Variants in ZFP90 observed in about 807,000 individuals in gnomAD.
ZFP90 encodes the protein zinc finger protein 90 homolog.
ZFP90 carries 38 observed loss-of-function variants against 60.8 expected under a neutral mutation model. The observed-to-expected ratio is 0.62, with a 90% CI of 0.48 to 0.82. The LOEUF is 0.82. Among genes scored for constraint, ZFP90 ranks in the 40% least tolerant of loss-of-function variants. The probability of loss-of-function intolerance (pLI) is 0.00; values close to 1 mark genes in which losing one functional copy is unlikely to be tolerated. For synonymous variants in ZFP90, 287 were observed against 264.8 expected, an observed-to-expected ratio of 1.08 and a Z score of -0.82; for missense variants, 711 against 759.1, an observed-to-expected ratio of 0.94 and a Z score of 0.74.
rs1422265298 is a variant in ZFP90 at position 68,572,578 on chromosome 16, T to C, written c.224-3213T>C. Among the ~76,000 whole-genome samples, 3 of 152,092 alleles carry C rather than the reference T, an allele frequency of 2.0e-5. No individual in the cohort carries two copies. In the East Asian group the frequency reaches 5.8e-4, roughly 29 times the overall value. On this transcript the variant is annotated intron_variant, in intron 2 of 2. Coordinates refer to the ZFP90 transcript ENST00000573113. ...TTGGCCCCTATAGATATAAAAACCA[T>C]GTAAGGAGGTTCTGATCCAGAGGAG...
At chr16:68,553,947 C>G (rs888417133) in intron 2 of ZFP90, among the ~76,000 whole-genome samples, 2 of 152,050 alleles carry the variant, frequency 1.3e-5, no homozygotes, top group African/African-American at 4.8e-5. Flanking sequence ...TTAACAAGAT[C>G]TCTCTGGTTG....
intron 2 of ZFP90, chr16:68,557,219 C>T (rs1168419899): frequency 4.4e-6 from 2 of 455,672 alleles, no homozygotes; most frequent in Non-Finnish European, 8.8e-6. Flanking sequence ...AACTCTTGGG[C>T]TCCTGTAACA....
intron 2 of ZFP90, among the ~76,000 whole-genome samples, chr16:68,554,186 G>GTC: frequency 6.6e-6 from 1 of 150,936 alleles, no homozygotes; most frequent in Non-Finnish European, 1.5e-5. Context: ...CAGTGGTGGT[G>GTC]TCTCGGCTCA....
chr16:68,557,660 T>C (rs1287123844), intron 2 of ZFP90, among the ~76,000 whole-genome samples: 2 of 151,496 alleles, frequency 1.3e-5, no homozygotes, highest in Non-Finnish European at 2.9e-5. Flanking sequence ...GTCATCACTT[T>C]TTACTACCCA....
At chr16:68,548,827 C>T (rs1307292566) in intron 2 of ZFP90, among the ~76,000 whole-genome samples, 1 of 152,154 alleles carries the variant, frequency 6.6e-6, no homozygotes, top group East Asian at 1.9e-4. Flanking sequence ...TTAAAAATTT[C>T]TTCTTACTCG....
exon 2 of ZFP90, chr16:68,533,739 G>C (rs1728780): frequency 0.77 from 116,536 of 152,060 alleles, 44,745 homozygotes; most frequent in East Asian, 0.82. Context: ...ATGGTGCAAT[G>C]TCAGCTTACT....
At chr16:68,543,068 T>C (rs770771075) in intron 2 of ZFP90, among the ~76,000 whole-genome samples, 4 of 152,088 alleles carry the variant, frequency 2.6e-5, no homozygotes, top group Non-Finnish European at 5.9e-5. Flanking sequence ...CAATTTAAAA[T>C]GATGTGGTCA....
upstream of ZFP90, chr16:68,535,756 C>T (rs1463146968): frequency 6.6e-6 from 1 of 152,086 alleles, no homozygotes; most frequent in Admixed American, 6.6e-5. Flanking sequence ...CTACTACTCT[C>T]TAAGTTTATT....
chr16:68,539,869 T>G, intron 2 of ZFP90, 44 bp downstream of exon 2: 1 of 1,595,216 alleles, frequency 6.3e-7, no homozygotes, highest in Non-Finnish European at 8.5e-7. Context: ...CATCCATCTA[T>G]CCATCCCATC....
chr16:68,573,493 C>CTA (rs1387993996), intron 2 of ZFP90, among the ~76,000 whole-genome samples: 3 of 152,336 alleles, frequency 2.0e-5, no homozygotes, highest in South Asian at 2.1e-4. Flanking sequence ...CAAAACAAAA[C>CTA]TCTATATATA....
At chr16:68,541,456 A>C (rs947781699) in intron 2 of ZFP90, among the ~76,000 whole-genome samples, 2 of 151,190 alleles carry the variant, frequency 1.3e-5, no homozygotes, top group African/African-American at 4.9e-5. Flanking sequence ...GTGAGCCACC[A>C]CAGCTGGGCA....
chr16:68,575,920 C>T (rs1035144227), exon 3 of ZFP90: 2 of 397,978 alleles, frequency 5.0e-6, no homozygotes, highest in Non-Finnish European at 8.9e-6. Context: ...AAGTTCTCTG[C>T]CCCGTACAAG....
chr16:68,556,185 A>C (rs574799273), intron 2 of ZFP90, among the ~76,000 whole-genome samples: 4 of 152,184 alleles, frequency 2.6e-5, no homozygotes, highest in Non-Finnish European at 5.9e-5. Context: ...AAAAAGCCTA[A>C]CCAAAAGTAC....
Position 68,558,554 on chromosome 16 carries a change from G to A in ZFP90, c.242G>A (p.Arg81Gln), listed in dbSNP as rs773705923. 9 of 1,613,632 alleles carry A rather than the reference G, an allele frequency of 5.6e-6. No individual in the cohort carries two copies. Among genetic ancestry groups the A allele is most frequent in the East Asian group, 2.2e-5 (1 of 44,882 alleles). Residue 81 changes from arginine (R) to glutamine (Q), a missense_variant, in exon 4 of 5, where the codon CGA becomes CAA. By Grantham distance (43) the Arg-to-Gln change is conservative. Coordinates refer to ENST00000563169, the MANE Select transcript of ZFP90 (RefSeq NM_001305203.2). ...EPWISEGEIQRPFYPDWKTRP... is the reference protein window; with the variant it reads ...EPWISEGEIQQPFYPDWKTRP... ...TGGATATCAGAGGGAGAAATCCAACGACCTTTCTATCCAGGTAAATGAGTG... is the reference window on the plus strand; with the variant it reads ...TGGATATCAGAGGGAGAAATCCAACAACCTTTCTATCCAGGTAAATGAGTG...
In ZFP90 at chr16:68,564,147, G is replaced by T. The variant is rs771128635; in HGVS notation, c.1360G>T (p.Asp454Tyr). ...LTEVKSYHCN[D>Y]CGEDFSHITD... ...CGAAGTGAAATCCTACCATTGTAAT[G>T]ACTGTGGGGAAGACTTTAGTCACAT... is the stretch of plus-strand genomic sequence containing the variant. The change falls in exon 5 of 5, where the codon GAC becomes TAC. Residue 454 changes from aspartate to tyrosine, a missense_variant. Asp to Tyr is a radical substitution (Grantham distance 160, BLOSUM62 -3). Coordinates refer to ENST00000563169, the MANE Select transcript of ZFP90 (RefSeq NM_001305203.2). 2.4e-5 allele frequency: 39 copies of T among 1,614,054 alleles called. No individual in the cohort carries two copies. In the South Asian group the frequency reaches 4.1e-4, roughly 17 times the overall value.
chr16:68,534,229 C>CCTT (rs758893394), intron 2 of ZFP90, among the ~76,000 whole-genome samples: 4 of 135,148 alleles, frequency 3.0e-5, no homozygotes, highest in Non-Finnish European at 6.2e-5. Flanking sequence ...GATTTTCTTT[C>CCTT]TTTCTTTTTT....
Position 68,564,550 on chromosome 16 carries a change from G to A in ZFP90, c.1763G>A (p.Arg588Lys). Residue 588 changes from arginine (R) to lysine (K), a missense_variant, in exon 5 of 5, where the codon AGA becomes AAA. Physicochemically the swap from Arg to Lys is conservative, Grantham distance 26 (BLOSUM62 2). Around this residue, in one of 5 missense-constraint regions of ZFP90, gnomAD observed 295 missense variants for 274.0 expected, o/e 1.08. Coordinates refer to ENST00000563169, the MANE Select transcript of ZFP90 (RefSeq NM_001305203.2). ...CCCTATGAATGTAATGAATGTGGGA[G>A]AGCCTTCCGAAAAAAAACCAACCTG... ...EKPYECNECGRAFRKKTNLHD... is the reference protein window; with the variant it reads ...EKPYECNECGKAFRKKTNLHD... 2.5e-6 allele frequency: 4 copies of A among 1,613,902 alleles called. No homozygotes were observed. Among genetic ancestry groups the A allele is most frequent in the Non-Finnish European group, 3.4e-6 (4 of 1,179,928 alleles).
In ZFP90 at chr16:68,565,273, TG is replaced by T; in HGVS notation, c.*576del. The T allele has an allele frequency of 1.0e-6, 1 of 985,488 alleles. No individual in the cohort carries two copies. The highest frequency in any genetic ancestry group is 1.7e-5 in the African/African-American group (1 of 57,358). 61.0% of individuals were successfully genotyped at this position (985,488 alleles called of 1,614,324 possible). ...TATAAGGGTAAAGCTGGGTTAAAAA[TG>T]CAGGTTTCCTGGATTTGGGGCCCCA... is the stretch of plus-strand genomic sequence containing the variant. On this transcript the variant is annotated 3_prime_UTR_variant, in exon 5 of 5. Transcript: ENST00000563169.
chr16:68,576,113 T>G (rs2152080075), downstream of ZFP90: 1 of 248,748 alleles, frequency 4.0e-6, no homozygotes, highest in South Asian at 1.7e-4. Context: ...TATTCCCATT[T>G]CCTTCTCCCC....
Sources: allele counts gnomAD v4.1 joint callset (sites outside exome capture counted in the v4.1 genomes callset), GRCh38; gene constraint gnomAD v4.1.1; regional missense constraint gnomAD v4.1.1; transcripts MANE v1.5; gene names NCBI Gene and HGNC (gene_info 2026-07-23, HGNC 2026-07-21).